The following EVI5 variants were observed in gnomAD, a reference collection of about 807,000 sequenced individuals.
EVI5 encodes ecotropic viral integration site 5 protein homolog.
A neutral mutation model predicts 112.0 loss-of-function variants in EVI5; 73 were observed. The observed-to-expected ratio is 0.65, with a 90% CI of 0.54 to 0.79. The LOEUF is 0.79. Among genes scored for constraint, EVI5 ranks in the 30% least tolerant of loss-of-function variants. EVI5 has a pLI of 0.00. For synonymous variants in EVI5, 305 were observed against 319.9 expected (o/e 0.95, Z 0.50); for missense variants, 900 against 968.8 (o/e 0.93, Z 0.94).
intron 16 of EVI5, among the ~76,000 whole-genome samples, chr1:92,613,445 T>C (rs976178980): frequency 6.6e-6 from 1 of 152,134 alleles, no homozygotes; most frequent in Non-Finnish European, 1.5e-5. Flanking sequence ...ATTACAGGCA[T>C]ACAGCACCAC....
chr1:92,657,699 C>G (rs1417559003), intron 13 of EVI5, among the ~76,000 whole-genome samples: 1 of 152,036 alleles, frequency 6.6e-6, no homozygotes, highest in Non-Finnish European at 1.5e-5. Flanking sequence ...AACCTAGGTT[C>G]TCCTTGCATT....
chr1:92,734,864 A>G (rs1677082502), intron 2 of EVI5, among the ~76,000 whole-genome samples: 1 of 152,184 alleles, frequency 6.6e-6, no homozygotes, highest in Non-Finnish European at 1.5e-5. Flanking sequence ...AAGAATATAT[A>G]CAGATGACAA....
At chr1:92,517,885 CTTTTTT>C (rs35504849) in intron 19 of EVI5, among the ~76,000 whole-genome samples, 1 of 102,250 alleles carries the variant, frequency 9.8e-6, no homozygotes, top group Non-Finnish European at 1.9e-5. Context: ...ATATTATATG[CTTTTTT>C]TTTTTTTTTT....
chr1:92,704,456 T>C (rs532116395), intron 3 of EVI5, 99 bp downstream of exon 3: 65 of 689,038 alleles, frequency 9.4e-5, no homozygotes, highest in Non-Finnish European at 1.4e-4. Context: ...AATATATAGC[T>C]TGGAAGTTGT....
At chr1:92,659,721 A>G (rs1663648012) in intron 13 of EVI5, among the ~76,000 whole-genome samples, 1 of 152,126 alleles carries the variant, frequency 6.6e-6, no homozygotes, top group Admixed American at 6.5e-5. Flanking sequence ...CATTCAGTCC[A>G]GCAATCCTAC....
chr1:92,710,100 A>AAAAAAAAAAAG (rs1570504301), intron 2 of EVI5, among the ~76,000 whole-genome samples: 1 of 149,954 alleles, frequency 6.7e-6, no homozygotes, highest in Non-Finnish European at 1.5e-5. Context: ...AAAAAAAAAA[A>AAAAAAAAAAAG]GGGAGGCCGA....
intron 1 of EVI5, among the ~76,000 whole-genome samples, chr1:92,760,452 C>T (rs1464820586): frequency 9.9e-5 from 15 of 152,242 alleles, no homozygotes; most frequent in South Asian, 2.1e-4. Context: ...CTAAAAGAAG[C>T]GGGGCACAGT....
At chr1:92,732,363 A>T in intron 2 of EVI5, 1 of 334,968 alleles carries the variant, frequency 3.0e-6, no homozygotes, top group South Asian at 2.9e-5. Context: ...ATTGATTCCA[A>T]AACAGGAGAG....
chr1:92,712,239 G>T (rs1672956903), intron 2 of EVI5, among the ~76,000 whole-genome samples: 1 of 152,072 alleles, frequency 6.6e-6, no homozygotes. Context: ...AACAATGAGA[G>T]AATTCAGAGA....
intron 9 of EVI5, among the ~76,000 whole-genome samples, chr1:92,689,737 T>C (rs1570368899): frequency 6.6e-6 from 1 of 152,206 alleles, no homozygotes; most frequent in African/African-American, 2.4e-5. Flanking sequence ...TTTTGTGATG[T>C]TGAACACAGC....
chr1:92,584,112 T>C (rs540666073), intron 18 of EVI5, among the ~76,000 whole-genome samples: 2 of 152,266 alleles, frequency 1.3e-5, no homozygotes, highest in South Asian at 4.1e-4. Flanking sequence ...TTTAAGAATA[T>C]TTTATATTAT....
chr1:92,742,963 A>C (rs992150745), intron 1 of EVI5, among the ~76,000 whole-genome samples: 3 of 152,232 alleles, frequency 2.0e-5, no homozygotes, highest in Admixed American at 2.0e-4. Flanking sequence ...CATTATTCAC[A>C]ATAGCCAAAA....
At chr1:92,601,088 G>A (rs764409375) in intron 18 of EVI5, among the ~76,000 whole-genome samples, 7 of 152,152 alleles carry the variant, frequency 4.6e-5, no homozygotes, top group South Asian at 2.1e-4. Flanking sequence ...GCATGAGCAG[G>A]CAAATACTGA....
chr1:92,683,653 A>C (rs1182246255), intron 9 of EVI5, among the ~76,000 whole-genome samples: 2 of 152,214 alleles, frequency 1.3e-5, no homozygotes, highest in Non-Finnish European at 2.9e-5. Context: ...GGAAGCTAAA[A>C]ACCTTGAAAA....
chr1:92,682,820 C>T (rs11810217), intron 9 of EVI5, among the ~76,000 whole-genome samples: 30,363 of 152,204 alleles, frequency 0.2, 3,535 homozygotes, highest in Non-Finnish European at 0.26. Flanking sequence ...AAATTTCCTC[C>T]TCTGCCATCA....
intron 14 of EVI5, among the ~76,000 whole-genome samples, chr1:92,627,286 C>T (rs1306306051): frequency 2.0e-5 from 3 of 152,200 alleles, no homozygotes; most frequent in Admixed American, 1.3e-4. Flanking sequence ...TCCTGAGTTA[C>T]TTCACTTAGA....
At chr1:92,545,325 C>G (rs540304432) in intron 19 of EVI5, among the ~76,000 whole-genome samples, 233 of 151,884 alleles carry the variant, frequency 1.5e-3, no homozygotes, top group African/African-American at 5.5e-3. Context: ...ATCCTCCTGT[C>G]TCGGCCTCCC....
At chr1:92,782,447 C>T (rs965446019) in intron 1 of EVI5, among the ~76,000 whole-genome samples, 8 of 151,974 alleles carry the variant, frequency 5.3e-5, no homozygotes, top group African/African-American at 1.2e-4. Flanking sequence ...AGCATATCAA[C>T]GAAAACTGGG....
chr1:92,659,716 A>T (rs1663646717), intron 13 of EVI5, among the ~76,000 whole-genome samples: 1 of 152,042 alleles, frequency 6.6e-6, no homozygotes, highest in East Asian at 1.9e-4. Context: ...ACTGCCATTC[A>T]GTCCAGCAAT....
Sources: gnomAD v4.1 joint callset for allele counts (sites outside exome capture counted in the v4.1 genomes callset) on GRCh38, gnomAD v4.1.1 for gene constraint, MANE v1.5 for transcripts, NCBI Gene and HGNC (gene_info 2026-07-23, HGNC 2026-07-21) for gene names.